PXK: variants seen among roughly 807,000 people sequenced by gnomAD.
The protein encoded by PXK is PX domain containing serine/threonine kinase like.
In PXK, 35 loss-of-function variants were observed where a neutral mutation model predicts 84.7. The observed-to-expected ratio is 0.41, with a 90% confidence interval of 0.32 to 0.55. The LOEUF (loss-of-function observed/expected upper bound fraction) is 0.55, where lower values mean the gene tolerates loss of function less well. PXK is among the 20% of genes least tolerant of loss of function. PXK has a pLI of 0.21. For synonymous variants in PXK, 253 were observed against 260.8 expected, an observed-to-expected ratio of 0.97 and a Z score of 0.29; for missense variants, 634 against 699.7, an observed-to-expected ratio of 0.91 and a Z score of 1.06.
intron 3 of PXK, among the ~76,000 whole-genome samples, chr3:58,375,264 A>G (rs1276922218): frequency 6.6e-6 from 1 of 152,220 alleles, no homozygotes; most frequent in South Asian, 2.1e-4. Context: ...ATCTGTCGAT[A>G]CTGGGTAATG....
chr3:58,332,996 T>C lies in PXK; in HGVS notation c.8T>C (p.Phe3Ser). ...GCGGCCGGGCGTCCCGGGATGGCCT[T>C]CATGGAGAAGCCGCCAGCCGGCAAG... The part of the protein sequence containing the change: MA[F>S]MEKPPAGKVL... Residue 3 changes from phenylalanine to serine, a missense_variant, in exon 1 of 18, where the codon TTC (phenylalanine) becomes TCC (serine). By Grantham distance (155) the Phe-to-Ser change is radical. Coordinates refer to ENST00000356151, the MANE Select transcript of PXK (RefSeq NM_017771.5). The surrounding 1 kb of genome is among the most constrained non-coding windows in gnomAD (Gnocchi z 5.6). The C allele has an allele frequency of 7.3e-7, 1 of 1,366,306 alleles. No homozygotes were observed. Among genetic ancestry groups the C allele is most frequent in the Non-Finnish European group, 9.6e-7 (1 of 1,046,974 alleles). 84.6% of individuals were successfully genotyped at this position (1,366,306 alleles called of 1,614,324 possible). A position where few individuals can be genotyped will look rare whatever the true frequency, so the allele number is the denominator to read the frequency against.
Position 58,333,055 on chromosome 3 carries a change from G to A in PXK, c.67G>A (p.Ala23Thr). Residue 23 changes from alanine to threonine, a missense_variant, in exon 1 of 18, where the codon GCC becomes ACC. Around this residue, in one of 3 missense-constraint regions of PXK, gnomAD observed 353 missense variants for 385.2 expected, o/e 0.92. Coordinates refer to ENST00000356151, the MANE Select transcript of PXK (RefSeq NM_017771.5). The surrounding 1 kb of genome is among the most constrained non-coding windows in gnomAD (Gnocchi z 5.4). The part of the protein sequence containing the change: ...LLDDTVPLTA[A>T]IEASQSLQSH... ...GGACGACACGGTGCCGCTGACAGCA[G>A]CCATCGAGGCGAGCCAGAGCCTGCA... 7.5e-7 allele frequency: 1 copy of A among 1,338,260 alleles called. No individual in the cohort carries two copies. Among genetic ancestry groups the A allele is most frequent in the Non-Finnish European group, 9.7e-7 (1 of 1,029,968 alleles). 82.9% of individuals were successfully genotyped at this position (1,338,260 alleles called of 1,614,324 possible).
At chr3:58,334,040 A>C (rs932230078) in intron 1 of PXK, among the ~76,000 whole-genome samples, 3 of 152,200 alleles carry the variant, frequency 2.0e-5, no homozygotes, top group Admixed American at 2.0e-4. Flanking sequence ...CCACCGAATC[A>C]GATTCAGACT....
chr3:58,366,000 C>T (rs527701935), intron 2 of PXK, 76 bp downstream of exon 2: 3 of 1,256,418 alleles, frequency 2.4e-6, no homozygotes, highest in African/African-American at 3.1e-5. Flanking sequence ...CTTGGGGCCT[C>T]TGAAAGTCTG....
chr3:58,364,206 T>C lies in PXK; in HGVS notation c.103-1668T>C, dbSNP rs531338846. Reference sequence around the variant, plus strand: ...TATTGATCTATAGTTCTCTTTTTTGTACTGTCTTTGGTTTTGGGACCTGGG... The same window carrying C: ...TATTGATCTATAGTTCTCTTTTTTGCACTGTCTTTGGTTTTGGGACCTGGG... On this transcript the variant is annotated intron_variant, in intron 1 of 17. Transcript: ENST00000356151. The surrounding 1 kb of genome is among the most constrained non-coding windows in gnomAD (Gnocchi z 4.3). 6.6e-6 allele frequency among the ~76,000 whole-genome samples: 1 copy of C among 152,316 alleles called. No individual in the cohort carries two copies. Among genetic ancestry groups the C allele is most frequent in the Admixed American group, 6.5e-5 (1 of 15,304 alleles).
Position 58,364,324 on chromosome 3 carries a change from G to A in PXK, c.103-1550G>A, listed in dbSNP as rs2098237305. ...GAGAATTGGTGTTGATTCTTCTTAA[G>A]ACACTTAGTAGAATTCTCCAGTGAA... On this transcript the variant is annotated intron_variant, in intron 1 of 17. Coordinates refer to ENST00000356151, the MANE Select transcript of PXK (RefSeq NM_017771.5). The surrounding 1 kb of genome is among the most constrained non-coding windows in gnomAD (Gnocchi z 4.3). Among the ~76,000 whole-genome samples the A allele has an allele frequency of 6.6e-6, 1 of 152,096 alleles. No homozygotes were observed. Among genetic ancestry groups the A allele is most frequent in the Non-Finnish European group, 1.5e-5 (1 of 68,020 alleles).
In PXK at chr3:58,378,512, TTGTGTGTG is replaced by T. The variant is rs71091375; in HGVS notation, c.202-3967_202-3960del. The stretch of plus-strand genomic sequence containing the variant: ...TTCTTCTTTTTTTTTTTTTTTTTTT[TTGTGTGTG>T]TGTGTGTGTGTGTGTGTGTGTGTGT... On this transcript the variant is annotated intron_variant, in intron 3 of 17. Coordinates refer to ENST00000356151, the MANE Select transcript of PXK (RefSeq NM_017771.5). 8.3e-3 allele frequency among the ~76,000 whole-genome samples: 237 copies of T among 28,456 alleles called. 1 individual carries two copies. Among genetic ancestry groups the T allele is most frequent in the South Asian group, 0.01 (6 of 574 alleles). 18.7% of individuals were successfully genotyped at this position (28,456 alleles called of 152,430 possible).
intron 3 of PXK, among the ~76,000 whole-genome samples, chr3:58,372,566 C>A (rs2098390842): frequency 6.6e-6 from 1 of 150,472 alleles, no homozygotes; most frequent in South Asian, 2.1e-4. Context: ...TTGTGATCTG[C>A]CTGCCTCGGC....
chr3:58,404,559 A>G (rs995645416), intron 13 of PXK, among the ~76,000 whole-genome samples: 3 of 152,184 alleles, frequency 2.0e-5, no homozygotes, highest in Admixed American at 6.5e-5. Context: ...CTACTGACCT[A>G]TGGGCAAGCA....
At position 58,401,043 on chromosome 3, in the gene PXK, T is replaced by C. The variant is rs1249571579; in HGVS notation, c.1181+1666T>C. On this transcript the variant is annotated intron_variant, in intron 12 of 17. Coordinates refer to ENST00000356151, the MANE Select transcript of PXK (RefSeq NM_017771.5). The surrounding 1 kb of genome is among the most constrained non-coding windows in gnomAD (Gnocchi z 4.4). ...CTATATACAGGTTGATTTACTTGAG[T>C]TTGCATTTACACTCCCCATTCCAAA... is the stretch of plus-strand genomic sequence containing the variant. 6.6e-6 allele frequency among the ~76,000 whole-genome samples: 1 copy of C among 152,218 alleles called. No individual in the cohort carries two copies. The highest frequency in any genetic ancestry group is 1.5e-5 in the Non-Finnish European group (1 of 68,040).
At chr3:58,373,731 G>C (rs2098409346) in intron 3 of PXK, among the ~76,000 whole-genome samples, 2 of 152,108 alleles carry the variant, frequency 1.3e-5, no homozygotes, top group Admixed American at 1.3e-4. Flanking sequence ...CTGCCTGGAA[G>C]TTGCTGTAAG....
At chr3:58,402,555 G>A (rs562453664) in intron 12 of PXK, among the ~76,000 whole-genome samples, 8 of 150,136 alleles carry the variant, frequency 5.3e-5, no homozygotes, top group East Asian at 4.0e-4. Context: ...TCAGCCTCCC[G>A]AGTAGCTGGA....
At chr3:58,393,402 G>A (rs548214253) in intron 7 of PXK, among the ~76,000 whole-genome samples, 1 of 152,182 alleles carries the variant, frequency 6.6e-6, no homozygotes, top group African/African-American at 2.4e-5. Flanking sequence ...TCAAACAGAA[G>A]TATGAACCAA....
Position 58,416,411 on chromosome 3 carries a change from C to T in PXK, c.1528+3448C>T, listed in dbSNP as rs1264647587. Among the ~76,000 whole-genome samples the T allele has an allele frequency of 6.6e-6, 1 of 152,182 alleles. No homozygotes were observed. The highest frequency in any genetic ancestry group is 1.5e-5 in the Non-Finnish European group (1 of 68,026). On this transcript the variant is annotated intron_variant, in intron 17 of 17. Coordinates refer to ENST00000356151, the MANE Select transcript of PXK (RefSeq NM_017771.5). The surrounding 1 kb of genome is among the most constrained non-coding windows in gnomAD (Gnocchi z 4.8). Reference sequence around the variant, plus strand: ...TAAAAGTTGGGGGCGGTCCCAGTTTCTATCTCATTGTGATTGGACAAAAAG... The same window carrying T: ...TAAAAGTTGGGGGCGGTCCCAGTTTTTATCTCATTGTGATTGGACAAAAAG...
At chr3:58,423,573 G>GCT in intron 17 of PXK, 2 of 1,530,974 alleles carry the variant, frequency 1.3e-6, no homozygotes, top group Non-Finnish European at 1.7e-6. Flanking sequence ...TGAGTATTGT[G>GCT]TTGGTGATTC....
chr3:58,421,567 G>C lies in PXK; in HGVS notation c.1529-3185G>C, dbSNP rs983426098. 2.0e-5 allele frequency: 20 copies of C among 982,556 alleles called. No individual in the cohort carries two copies. The highest frequency in any genetic ancestry group is 2.4e-5 in the Non-Finnish European group (20 of 825,198). The allele number at this position is 982,556 out of a possible 1,614,324, so 60.9% of individuals were successfully genotyped here. A position where few individuals can be genotyped will look rare whatever the true frequency, so the allele number is the denominator to read the frequency against. Reference sequence around the variant, plus strand: ...TGCACTCCAGCCTGGGCAACAGAGCGAGACTCCATCTCAGAAAAAAAGGAA... The same window carrying C: ...TGCACTCCAGCCTGGGCAACAGAGCCAGACTCCATCTCAGAAAAAAAGGAA... On this transcript the variant is annotated intron_variant, in intron 17 of 17. Transcript: ENST00000356151. This position sits in a 1 kb window ranked among gnomAD's most constrained non-coding sequence, Gnocchi z 5.5.
Position 58,382,716 on chromosome 3 carries a change from T to G in PXK, c.388+16T>G. 1 of 1,503,872 alleles carries G rather than the reference T, an allele frequency of 6.6e-7. No individual in the cohort carries two copies. The highest frequency in any genetic ancestry group is 8.9e-7 in the Non-Finnish European group (1 of 1,125,090). 93.2% of individuals were successfully genotyped at this position (1,503,872 alleles called of 1,614,324 possible). Reference sequence around the variant, plus strand: ...AACTATACTGGTAAGCGAAGGAATCTGTGAATTATGGTCACATGGCTAAAG... The same window carrying G: ...AACTATACTGGTAAGCGAAGGAATCGGTGAATTATGGTCACATGGCTAAAG... On this transcript the variant is annotated intron_variant, in intron 4 of 17. Transcript: ENST00000356151.
intron 1 of PXK, among the ~76,000 whole-genome samples, chr3:58,362,340 A>C (rs1559927757): frequency 1.3e-5 from 2 of 152,070 alleles, no homozygotes; most frequent in African/African-American, 4.8e-5. Context: ...TACATTTTAC[A>C]TTTAAGTACA....
intron 1 of PXK, among the ~76,000 whole-genome samples, chr3:58,361,750 G>A (rs1258932032): frequency 6.6e-6 from 1 of 152,118 alleles, no homozygotes; most frequent in African/African-American, 2.4e-5. Context: ...ACCTATTGAA[G>A]GACATCTATC....
Sources: allele counts gnomAD v4.1 joint callset (sites outside exome capture counted in the v4.1 genomes callset), GRCh38; gene constraint gnomAD v4.1.1; regional missense constraint gnomAD v4.1.1; non-coding constraint Gnocchi (gnomAD v3.1); transcripts MANE v1.5; gene names NCBI Gene and HGNC (gene_info 2026-07-23, HGNC 2026-07-21).